Variants in DENND4C observed in about 807,000 individuals in gnomAD.
The protein encoded by DENND4C is DENN domain-containing protein 4C.
Under a neutral mutation model 203.0 loss-of-function variants are expected in DENND4C, and 108 were observed. The ratio of observed to expected loss-of-function variants is 0.53; its 90% CI spans 0.46 to 0.62. DENND4C has a LOEUF of 0.62. Among genes scored for constraint, DENND4C ranks in the 20% least tolerant of loss-of-function variants. The probability of loss-of-function intolerance (pLI) is 0.00; values close to 1 mark genes in which losing one functional copy is unlikely to be tolerated. For missense variants in DENND4C, 2,481 were observed against 2,301.2 expected, an observed-to-expected ratio of 1.08 and a Z score of -1.60; for synonymous variants, 871 against 792.4, an observed-to-expected ratio of 1.10 and a Z score of -1.67.
At chr9:19,274,579 G>A (rs1223481437) in intron 1 of DENND4C, among the ~76,000 whole-genome samples, 2 of 152,226 alleles carry the variant, frequency 1.3e-5, no homozygotes, top group South Asian at 4.1e-4. Flanking sequence ...ACAGGCGTGA[G>A]CCACCGTGCC....
At chr9:19,291,664 C>T (rs1027449774) in intron 5 of DENND4C, among the ~76,000 whole-genome samples, 2 of 147,926 alleles carry the variant, frequency 1.4e-5, no homozygotes, top group African/African-American at 2.5e-5. Context: ...GAGACTGCAC[C>T]ATTGCACTCC....
chr9:19,264,152 T>A (rs1319181844), intron 1 of DENND4C, among the ~76,000 whole-genome samples: 1 of 152,218 alleles, frequency 6.6e-6, no homozygotes, highest in Non-Finnish European at 1.5e-5. Context: ...GCTGGGAGAC[T>A]TCTTACTACT....
chr9:19,287,981 G>T (rs2131118669), intron 3 of DENND4C, among the ~76,000 whole-genome samples: 1 of 152,264 alleles, frequency 6.6e-6, no homozygotes, highest in South Asian at 2.1e-4. Flanking sequence ...TGATCCACCT[G>T]CCTCAGCTTC....
At chr9:19,266,941 AT>A (rs1198275541) in intron 1 of DENND4C, among the ~76,000 whole-genome samples, 8 of 152,094 alleles carry the variant, frequency 5.3e-5, no homozygotes, top group African/African-American at 1.7e-4. Flanking sequence ...ACTAAAACTG[AT>A]TTCTTTTTTA....
chr9:19,262,202 T>C (rs960665317), intron 1 of DENND4C, among the ~76,000 whole-genome samples: 3 of 145,040 alleles, frequency 2.1e-5, no homozygotes, highest in Admixed American at 1.4e-4. Flanking sequence ...TTCTTCGACC[T>C]CAGCCTCCAG....
In DENND4C at chr9:19,347,069, A is replaced by G. The variant is rs200513016; in HGVS notation, c.4300A>G (p.Ser1434Gly). The change falls in exon 23 of 33, where the codon AGC becomes GGC. Residue 1434 changes from serine (S) to glycine (G), a missense_variant. Around this residue, in one of 3 missense-constraint regions of DENND4C, gnomAD observed 2,289 missense variants for 2,113.3 expected, o/e 1.08. Transcript: ENST00000434457. ...GTGGGTAGCTGTTGCGTCTGCCTACAGCTACTCAGATGATGAGGTAAGAAA... is the reference window on the plus strand; with the variant it reads ...GTGGGTAGCTGTTGCGTCTGCCTACGGCTACTCAGATGATGAGGTAAGAAA... ...KMWVAVASAY[S>G]YSDDEEETNR... is the part of the protein sequence containing the mutation. The G allele has an allele frequency of 8.3e-5, 134 of 1,613,194 alleles. No individual in the cohort carries two copies. Among genetic ancestry groups the G allele is most frequent in the Non-Finnish European group, 9.9e-5 (117 of 1,179,482 alleles).
chr9:19,337,471 T>A, intron 20 of DENND4C: 2 of 316,198 alleles, frequency 6.3e-6, no homozygotes, highest in Non-Finnish European at 1.0e-5. Context: ...GTCTAATTCC[T>A]GTGCTTCATC....
At chr9:19,331,730 C>G (rs1819245629) in intron 16 of DENND4C, among the ~76,000 whole-genome samples, 1 of 152,178 alleles carries the variant, frequency 6.6e-6, no homozygotes, top group African/African-American at 2.4e-5. Context: ...CTCTTAATTT[C>G]TACTCTGTTA....
intron 1 of DENND4C, among the ~76,000 whole-genome samples, chr9:19,232,304 A>C (rs115803508): frequency 1.3e-5 from 2 of 152,088 alleles, no homozygotes; most frequent in Non-Finnish European, 2.9e-5. Flanking sequence ...CTGCCACTCA[A>C]TCCACACTTT....
chr9:19,359,132 T>G (rs1588984469), intron 28 of DENND4C, among the ~76,000 whole-genome samples: 1 of 151,906 alleles, frequency 6.6e-6, no homozygotes, highest in African/African-American at 2.4e-5. Context: ...TTTTTCCTTT[T>G]ATTTAGAGTT....
intron 31 of DENND4C, 67 bp from the exon 32 acceptor site, chr9:19,371,689 T>TAA: frequency 1.2e-6 from 1 of 801,178 alleles, no homozygotes. Context: ...TCTTCACCAT[T>TAA]AAAAAAAATG....
At chr9:19,247,753 C>T (rs1233863315) in intron 1 of DENND4C, among the ~76,000 whole-genome samples, 2 of 152,044 alleles carry the variant, frequency 1.3e-5, no homozygotes, top group Admixed American at 6.6e-5. Context: ...TTAACTTGTC[C>T]AAAAAAGAAT....
In DENND4C at chr9:19,336,763, A is replaced by G. The variant is rs1302086162; in HGVS notation, c.2812A>G (p.Asn938Asp). The change falls in exon 20 of 33, where the codon AAT (asparagine) becomes GAT (aspartate). Residue 938 changes from asparagine to aspartate, a missense_variant. By Grantham distance (23) the Asn-to-Asp change is conservative. Transcript: ENST00000434457. ...TGTGGATAGTTCTAATGATGCTAAC[A>G]ATGGGGAGCACACAGTCTTCGTCAG... Reference protein sequence around the residue: ...GSVDSSNDANNGEHTVFVRDL... With the variant: ...GSVDSSNDANDGEHTVFVRDL... The G allele has an allele frequency of 1.9e-6, 3 of 1,550,870 alleles. 1 individual carries two copies. The highest frequency in any genetic ancestry group is 3.9e-5 in the Admixed American group (2 of 50,980).
rs1823917116 is a variant in DENND4C, at chr9:19,350,719, C to G, written c.4335C>G (p.Asp1445Glu). The change falls in exon 24 of 33, where the codon GAC (aspartate) becomes GAG (glutamate). Residue 1445 changes from aspartate (D) to glutamate (E), a missense_variant. Coordinates refer to ENST00000434457, the MANE Select transcript of DENND4C (RefSeq NM_001330640.2). ...YSDDEEETNRDYSFPAGLEDH... is the reference protein window; with the variant it reads ...YSDDEEETNREYSFPAGLEDH... ...AATTAAAGGAAGAAACTAATAGAGA[C>G]TACAGCTTCCCAGCTGGCCTAGAAG... is the stretch of plus-strand genomic sequence containing the variant. 1.2e-6 allele frequency: 2 copies of G among 1,612,338 alleles called. No individual in the cohort carries two copies. The highest frequency in any genetic ancestry group is 4.5e-5 in the East Asian group (2 of 44,844).
chr9:19,252,827 C>T (rs556988703), intron 1 of DENND4C, among the ~76,000 whole-genome samples: 31 of 152,184 alleles, frequency 2.0e-4, no homozygotes, highest in Admixed American at 4.6e-4. Flanking sequence ...CCTCTGCCTC[C>T]GGGGTTCAAG....
intron 10 of DENND4C, among the ~76,000 whole-genome samples, chr9:19,312,682 C>G (rs1280793154): frequency 6.6e-6 from 1 of 152,094 alleles, no homozygotes; most frequent in Non-Finnish European, 1.5e-5. Flanking sequence ...GTGGATTTGT[C>G]AATTGCATTT....
At chr9:19,281,874 G>GT (rs1173905439) in intron 2 of DENND4C, among the ~76,000 whole-genome samples, 1 of 152,188 alleles carries the variant, frequency 6.6e-6, no homozygotes, top group East Asian at 1.9e-4. Flanking sequence ...ACAGTGGTGA[G>GT]TATATGTATA....
In DENND4C at chr9:19,328,071, G is replaced by A. The variant is rs1818198919; in HGVS notation, c.2162G>A (p.Arg721Lys). The A allele has an allele frequency of 1.2e-6, 2 of 1,612,756 alleles. No individual in the cohort carries two copies. Among genetic ancestry groups the A allele is most frequent in the Non-Finnish European group, 8.5e-7 (1 of 1,179,584 alleles). The change falls in exon 16 of 33, where the codon AGA becomes AAA. Residue 721 changes from arginine to lysine, a missense_variant. This residue lies in a region of DENND4C where 2,289 missense variants were observed against 2,113.3 expected (regional missense o/e 1.08). Coordinates refer to ENST00000434457, the MANE Select transcript of DENND4C (RefSeq NM_001330640.2). ...AGACTGGACCTTAAGCTTTTTGACA[G>A]ACCGCAGGAGTTGAAACTTTGTTTT... ...FPRLDLKLFD[R>K]PQELKLCFSR...
At position 19,255,034 on chromosome 9, in the gene DENND4C, C is replaced by T. The variant is rs531567568; in HGVS notation, c.-17-21124C>T. On this transcript the variant is annotated intron_variant, in intron 1 of 32. Transcript: ENST00000434457. ...GGGGGGCCGCCTGTAATTCCAGCGA[C>T]TCGGGAGACTGAGGCAGGAGAGTCA... Among the ~76,000 whole-genome samples, 164 of 152,050 alleles carry T rather than the reference C, an allele frequency of 1.1e-3. 1 individual carries two copies. Among genetic ancestry groups the T allele is most frequent in the African/African-American group, 3.9e-3 (160 of 41,476 alleles).
Sources: gnomAD v4.1 joint callset for allele counts (sites outside exome capture counted in the v4.1 genomes callset) on GRCh38, gnomAD v4.1.1 for gene constraint, gnomAD v4.1.1 regional missense constraint, MANE v1.5 for transcripts, NCBI Gene and HGNC (gene_info 2026-07-23, HGNC 2026-07-21) for gene names.